Variants in ACSL3 observed in about 807,000 individuals in gnomAD.
The protein encoded by ACSL3 is fatty acid CoA ligase Acsl3.
A neutral mutation model predicts 84.7 loss-of-function variants in ACSL3; 34 were observed. The observed-to-expected ratio is 0.40, with a 90% CI of 0.31 to 0.53. The LOEUF (loss-of-function observed/expected upper bound fraction) is 0.53, where lower values mean the gene tolerates loss of function less well. ACSL3 is among the 20% of genes least tolerant of loss of function. The probability of loss-of-function intolerance (pLI) is 0.48; values close to 1 mark genes in which losing one functional copy is unlikely to be tolerated. For missense variants in ACSL3, 680 were observed against 873.1 expected (o/e 0.78, Z 2.79); for synonymous variants, 315 against 299.4 (o/e 1.05, Z -0.54).
Position 222,908,836 on chromosome 2 carries a change from C to T in ACSL3, c.64C>T (p.Leu22Phe). The part of the protein sequence containing the change: ...MKLKHTINPI[L>F]LYFIHFLISL... ...GCTAAAACATACCATCAACCCTATT[C>T]TTTTATATTTTATACATTTTCTAAT... Residue 22 changes from leucine to phenylalanine, a missense_variant, in exon 4 of 17, where the codon CTT becomes TTT. This residue lies in a region of ACSL3 where 333 missense variants were observed against 347.5 expected (regional missense o/e 0.96). Transcript: ENST00000357430. 1 of 1,605,268 alleles carries T rather than the reference C, an allele frequency of 6.2e-7. No homozygotes were observed. Among genetic ancestry groups the T allele is most frequent in the Non-Finnish European group, 8.5e-7 (1 of 1,175,146 alleles).
chr2:222,877,228 T>C (rs1695471949), intron 1 of ACSL3, among the ~76,000 whole-genome samples: 1 of 152,138 alleles, frequency 6.6e-6, no homozygotes. Context: ...AAAGAGTTGG[T>C]GGAATAGGAC....
chr2:222,879,521 G>T (rs1006851158), intron 1 of ACSL3, among the ~76,000 whole-genome samples: 4 of 152,138 alleles, frequency 2.6e-5, no homozygotes, highest in South Asian at 2.1e-4. Flanking sequence ...AGCCTGGAGG[G>T]ATTTATTCAG....
In ACSL3 at chr2:222,909,959, C is replaced by T. The variant is rs138472782; in HGVS notation, c.378+809C>T. 2.3e-4 allele frequency among the ~76,000 whole-genome samples: 35 copies of T among 152,302 alleles called. 1 individual carries two copies. The highest frequency in any genetic ancestry group is 2.1e-3 in the Admixed American group (32 of 15,300). ...CCCAGGGACACTACAGCTAGGGAAG[C>T]TGGGACTGGAATCCAGGCCTTCTGG... On this transcript the variant is annotated intron_variant, in intron 4 of 16. Coordinates refer to ENST00000357430, the MANE Select transcript of ACSL3 (RefSeq NM_004457.5).
chr2:222,878,240 A>G (rs1489413144), intron 1 of ACSL3, among the ~76,000 whole-genome samples: 1 of 152,240 alleles, frequency 6.6e-6, no homozygotes, highest in Non-Finnish European at 1.5e-5. Context: ...TCATATCAGA[A>G]TGACCAGTAT....
chr2:222,893,071 C>G (rs1323563181), intron 2 of ACSL3, among the ~76,000 whole-genome samples: 1 of 152,072 alleles, frequency 6.6e-6, no homozygotes, highest in Non-Finnish European at 1.5e-5. Context: ...GTATTGGTGC[C>G]TGAGTGTGGT....
rs1697408177 is a variant in ACSL3 at position 222,944,387 on chromosome 2, T to C, written c.*2733T>C. On this transcript the variant is annotated 3_prime_UTR_variant, in exon 17 of 17. Transcript: ENST00000357430. ...TTTTTTCCCATAAGAATTATGTACA[T>C]CTGTGATGTTTTACAGGGGGATCCG... is the stretch of plus-strand genomic sequence containing the variant. 1 of 152,122 alleles carries C rather than the reference T, an allele frequency of 6.6e-6. No individual in the cohort carries two copies. Among genetic ancestry groups the C allele is most frequent in the Non-Finnish European group, 1.5e-5 (1 of 67,980 alleles). 9.4% of individuals were successfully genotyped at this position (152,122 alleles called of 1,614,324 possible). A position where few individuals can be genotyped will look rare whatever the true frequency, so the allele number is the denominator to read the frequency against.
chr2:222,878,374 A>G (rs992072795), intron 1 of ACSL3, among the ~76,000 whole-genome samples: 15 of 152,192 alleles, frequency 9.9e-5, no homozygotes, highest in African/African-American at 3.6e-4. Flanking sequence ...GAAGGCAGGA[A>G]AGCGATGGAT....
At chr2:222,918,521 T>A (rs984977132) in intron 6 of ACSL3, among the ~76,000 whole-genome samples, 2 of 150,788 alleles carry the variant, frequency 1.3e-5, no homozygotes, top group Non-Finnish European at 3.0e-5. Context: ...TAATTACAAG[T>A]TTTCAGAATT....
chr2:222,904,455 C>G (rs1238476570), intron 3 of ACSL3, among the ~76,000 whole-genome samples: 1 of 152,070 alleles, frequency 6.6e-6, no homozygotes, highest in Admixed American at 6.6e-5. Context: ...TATATTAATA[C>G]AAATCACGTT....
chr2:222,916,946 T>C (rs1053132354), intron 5 of ACSL3, among the ~76,000 whole-genome samples: 2 of 152,098 alleles, frequency 1.3e-5, no homozygotes, highest in African/African-American at 4.8e-5. Context: ...TTGTGGTGGC[T>C]CAGTCTGTGA....
At chr2:222,921,258 G>C in intron 7 of ACSL3, 22 bp from the exon 8 acceptor site, 1 of 1,585,906 alleles carries the variant, frequency 6.3e-7, no homozygotes, top group Non-Finnish European at 8.6e-7. Flanking sequence ...GTGTATGTGT[G>C]TGTTTTTTCT....
chr2:222,900,823 T>A (rs927108789), intron 3 of ACSL3, 43 bp downstream of exon 3: 1 of 152,252 alleles, frequency 6.6e-6, no homozygotes, highest in African/African-American at 2.4e-5. Context: ...TTTCTTTGCC[T>A]TTTGTTTCTG....
chr2:222,915,787 G>A (rs1398473568), intron 4 of ACSL3, among the ~76,000 whole-genome samples: 4 of 152,214 alleles, frequency 2.6e-5, no homozygotes, highest in Non-Finnish European at 5.9e-5. Context: ...TGCTTATCCA[G>A]AGTTTGGTAT....
intron 10 of ACSL3, among the ~76,000 whole-genome samples, chr2:222,924,210 A>AC (rs1412209923): frequency 6.6e-6 from 1 of 152,224 alleles, no homozygotes; most frequent in Non-Finnish European, 1.5e-5. Context: ...GCTTTTAAAA[A>AC]TTATTTTTGT....
At chr2:222,912,388 A>T (rs1696467613) in intron 4 of ACSL3, among the ~76,000 whole-genome samples, 1 of 152,196 alleles carries the variant, frequency 6.6e-6, no homozygotes, top group South Asian at 2.1e-4. Flanking sequence ...GGTGTTGAAA[A>T]GGGGAACTTT....
chr2:222,880,655 T>A (rs562953757), intron 1 of ACSL3, among the ~76,000 whole-genome samples: 1 of 151,564 alleles, frequency 6.6e-6, no homozygotes, highest in South Asian at 2.1e-4. Flanking sequence ...GGTGAAACCC[T>A]GTCTCTACTA....
At chr2:222,898,355 G>A (rs904489165) in intron 2 of ACSL3, among the ~76,000 whole-genome samples, 3 of 152,184 alleles carry the variant, frequency 2.0e-5, no homozygotes, top group Non-Finnish European at 2.9e-5. Flanking sequence ...AATGTGGGTA[G>A]TGAAGGTCTT....
intron 10 of ACSL3, among the ~76,000 whole-genome samples, chr2:222,923,600 AG>A (rs1334026969): frequency 6.6e-6 from 1 of 152,158 alleles, no homozygotes; most frequent in Admixed American, 6.5e-5. Context: ...ATGACTTAAG[AG>A]GGGCTGTTCA....
chr2:222,928,784 C>A, intron 12 of ACSL3, 78 bp from the exon 13 acceptor site: 4 of 1,194,692 alleles, frequency 3.3e-6, no homozygotes, highest in South Asian at 1.3e-5. Flanking sequence ...GATAAATAAT[C>A]ATTTTTGGTA....
Sources: gnomAD v4.1 joint callset for allele counts (sites outside exome capture counted in the v4.1 genomes callset) on GRCh38, gnomAD v4.1.1 for gene constraint, gnomAD v4.1.1 regional missense constraint, MANE v1.5 for transcripts, NCBI Gene and HGNC (gene_info 2026-07-23, HGNC 2026-07-21) for gene names.